The following RTL4 variants were observed in gnomAD, a reference collection of about 807,000 sequenced individuals.
The protein encoded by RTL4 is retrotransposon Gag like 4.
A neutral mutation model predicts 5.3 loss-of-function variants in RTL4; 4 were observed. That is an observed-to-expected ratio of 0.75 (90% CI 0.37 to 1.72). RTL4 has a LOEUF of 1.72. Ranked by LOEUF, RTL4 falls within the 40% of genes most tolerant of loss-of-function variation. The probability of loss-of-function intolerance (pLI) is 0.04; values close to 1 mark genes in which losing one functional copy is unlikely to be tolerated. For synonymous variants in RTL4, 98 were observed against 87.3 expected, an observed-to-expected ratio of 1.12 and a Z score of -0.68; for missense variants, 260 against 227.1, an observed-to-expected ratio of 1.14 and a Z score of -0.93.
the RTL4 span, among the ~76,000 whole-genome samples, chrX:112,309,551 C>T: frequency 6.4e-5 from 7 of 108,788 alleles, no homozygotes; most frequent in East Asian, 3.0e-4. Context: ...TGCAGTGGCA[C>T]GATCTCGGGT....
the RTL4 span, among the ~76,000 whole-genome samples, chrX:112,322,729 A>C: frequency 1.8e-5 from 2 of 111,376 alleles, no homozygotes; most frequent in Non-Finnish European, 3.8e-5. Context: ...ACACTGTTTC[A>C]TGCTCATACA....
chrX:112,135,714 C>A, the RTL4 span, among the ~76,000 whole-genome samples: 12 of 110,243 alleles, frequency 1.1e-4, no homozygotes, highest in Non-Finnish European at 2.3e-4. Flanking sequence ...GGATTAAAGT[C>A]ATTTTTTTGC....
the RTL4 span, among the ~76,000 whole-genome samples, chrX:112,219,793 T>C: frequency 8.9e-6 from 1 of 112,480 alleles, no homozygotes; most frequent in African/African-American, 3.2e-5. Flanking sequence ...TTTTTTGTAA[T>C]GTGGTACATG....
the RTL4 span, among the ~76,000 whole-genome samples, chrX:112,378,161 C>G: frequency 3.5e-4 from 39 of 111,391 alleles, no homozygotes; most frequent in Admixed American, 3.4e-3. Context: ...TTGCACCTCC[C>G]CCTCAGCCCA....
chrX:112,357,986 A>T, the RTL4 span, among the ~76,000 whole-genome samples: 1 of 112,148 alleles, frequency 8.9e-6, no homozygotes, highest in South Asian at 3.7e-4. Flanking sequence ...TTTATAAAAT[A>T]AATACTATTG....
At chrX:112,380,416 T>G in the RTL4 span, among the ~76,000 whole-genome samples, 1 of 111,800 alleles carries the variant, frequency 8.9e-6, no homozygotes, top group Non-Finnish European at 1.9e-5. Flanking sequence ...CCTCCCAAAG[T>G]GCTGGGATTA....
At chrX:112,230,420 C>T in the RTL4 span, among the ~76,000 whole-genome samples, 20 of 112,084 alleles carry the variant, frequency 1.8e-4, no homozygotes, top group African/African-American at 6.2e-4. Flanking sequence ...TTCCAGGTGC[C>T]GTCTGTCACC....
At chrX:112,253,919 CTCTTAGTAA>C in the RTL4 span, among the ~76,000 whole-genome samples, 11 of 111,882 alleles carry the variant, frequency 9.8e-5, no homozygotes, top group Non-Finnish European at 2.1e-4. Context: ...TTAATGCCTC[CTCTTAGTAA>C]TTTTCCATCC....
chrX:112,239,032 A>G, the RTL4 span, among the ~76,000 whole-genome samples: 2 of 111,700 alleles, frequency 1.8e-5, no homozygotes, highest in Non-Finnish European at 3.8e-5. Context: ...GCCTCCACCT[A>G]GTGAAAGCAG....
chrX:112,455,371 T>C (rs1053391887), exon 1 of RTL4: 3 of 1,211,426 alleles, frequency 2.5e-6, no homozygotes, highest in East Asian at 3.0e-5. Flanking sequence ...GTGCATTCAG[T>C]TGGACAAGAA....
At chrX:112,136,486 G>T in the RTL4 span, among the ~76,000 whole-genome samples, 1 of 111,978 alleles carries the variant, frequency 8.9e-6, no homozygotes, top group African/African-American at 3.2e-5. Context: ...AACCAAGGAA[G>T]TGGAAGACTT....
At chrX:112,232,271 C>T in the RTL4 span, among the ~76,000 whole-genome samples, 1 of 111,640 alleles carries the variant, frequency 9.0e-6, no homozygotes, top group Non-Finnish European at 1.9e-5. Flanking sequence ...CTAGGTGATA[C>T]GGGGCAAGTT....
At chrX:112,184,267 G>T in the RTL4 span, among the ~76,000 whole-genome samples, 2 of 109,364 alleles carry the variant, frequency 1.8e-5, no homozygotes, top group Non-Finnish European at 3.8e-5. Context: ...CAAGTTAATG[G>T]GTGCAGCACA....
chrX:112,393,952 C>A, the RTL4 span, among the ~76,000 whole-genome samples: 2 of 111,887 alleles, frequency 1.8e-5, no homozygotes, highest in Non-Finnish European at 1.9e-5. Flanking sequence ...GTATCCAAGG[C>A]TTTTGGGTCT....
chrX:112,345,811 A>G, the RTL4 span, among the ~76,000 whole-genome samples: 266 of 111,001 alleles, frequency 2.4e-3, 1 homozygote, highest in African/African-American at 7.9e-3. Flanking sequence ...TCCCAATTTG[A>G]CCCCTAGTTC....
the RTL4 span, among the ~76,000 whole-genome samples, chrX:112,185,612 ATCTCTCTCTCTCCC>A: frequency 7.7e-4 from 81 of 105,603 alleles, no homozygotes; most frequent in Non-Finnish European, 1.6e-3. Context: ...ATGGTGGTTA[ATCTCTCTCTCTCCC>A]TCTCTCTCTC....
chrX:112,276,953 AACAG>A, the RTL4 span, among the ~76,000 whole-genome samples: 3 of 112,461 alleles, frequency 2.7e-5, no homozygotes, highest in Non-Finnish European at 5.6e-5. Context: ...AGTTTCATAA[AACAG>A]ACATTTAGTT....
At chrX:112,324,370 C>T in the RTL4 span, among the ~76,000 whole-genome samples, 1 of 111,614 alleles carries the variant, frequency 9.0e-6, no homozygotes, top group Admixed American at 9.5e-5. Flanking sequence ...TCTATTTTTG[C>T]TTTTGTTTCC....
the RTL4 span, among the ~76,000 whole-genome samples, chrX:112,392,656 C>T: frequency 1.8e-5 from 2 of 111,426 alleles, no homozygotes; most frequent in East Asian, 5.7e-4. Context: ...CTTCAAAGCC[C>T]GAAGGCCTGA....
Sources: gnomAD v4.1 joint callset for allele counts (sites outside exome capture counted in the v4.1 genomes callset) on GRCh38, gnomAD v4.1.1 for gene constraint, MANE v1.5 for transcripts, NCBI Gene and HGNC (gene_info 2026-07-23, HGNC 2026-07-21) for gene names.